CSMD1: variants seen among roughly 807,000 people sequenced by gnomAD.
CSMD1 encodes the protein CUB and sushi domain-containing protein 1.
A neutral mutation model predicts 417.5 loss-of-function variants in CSMD1; 213 were observed. The ratio of observed to expected loss-of-function variants is 0.51; its 90% confidence interval spans 0.46 to 0.57. The LOEUF is 0.57. Ranked by LOEUF, CSMD1 falls within the 20% of genes least tolerant of loss-of-function variation. The pLI, the probability that CSMD1 is intolerant of heterozygous loss-of-function variation, is 0.00. For missense variants in CSMD1, 6,923 were observed against 4,529.7 expected, an observed-to-expected ratio of 1.53 and a Z score of -15.17; for synonymous variants, 2,862 against 1,736.8, an observed-to-expected ratio of 1.65 and a Z score of -16.11.
intron 3 of CSMD1, among the ~76,000 whole-genome samples, chr8:4,312,540 A>C (rs1361141822): frequency 6.6e-6 from 1 of 151,154 alleles, no homozygotes; most frequent in Non-Finnish European, 1.5e-5. Flanking sequence ...GAATGATGAA[A>C]TTGAAAGGGC....
At chr8:4,260,758 C>G (rs368591036) in intron 3 of CSMD1, among the ~76,000 whole-genome samples, 5 of 152,106 alleles carry the variant, frequency 3.3e-5, no homozygotes, top group South Asian at 2.1e-4. Context: ...ACAATTTAGG[C>G]TAAGTTATAT....
At position 3,156,428 on chromosome 8, in the gene CSMD1, G is replaced by C. The variant is rs114735851; in HGVS notation, c.5914+1469C>G. Among the ~76,000 whole-genome samples, 801 of 152,248 alleles carry C rather than the reference G, an allele frequency of 5.3e-3. 6 individuals carry two copies. The highest frequency in any genetic ancestry group is 0.019 in the African/African-American group (771 of 41,526). On this transcript the variant is annotated intron_variant, in intron 39 of 69. Coordinates refer to ENST00000635120, the MANE Select transcript of CSMD1 (RefSeq NM_033225.6). ...TGCTGAAGATACAGAGGTGAGTATT[G>C]CAAGTCTCTGTCACCAAAGCCTTTG...
chr8:4,220,965 G>A lies in CSMD1; in HGVS notation c.416-188866C>T, dbSNP rs73184172. ...ACACCACACGGTTGAGTGCGCAGGC[G>A]CCCAGAGGAGCCCTTGGGGTGCTCT... On this transcript the variant is annotated intron_variant, in intron 3 of 69. Coordinates refer to ENST00000635120, the MANE Select transcript of CSMD1 (RefSeq NM_033225.6). 3.6e-3 allele frequency among the ~76,000 whole-genome samples: 548 copies of A among 152,236 alleles called. 2 individuals are homozygous for A. The highest frequency in any genetic ancestry group is 0.034 in the Middle Eastern group (10 of 294).
intron 7 of CSMD1, 142 bp from the exon 8 acceptor site, chr8:3,616,939 A>G (rs775689044): frequency 2.3e-5 from 12 of 514,328 alleles, no homozygotes; most frequent in Non-Finnish European, 3.8e-5. Context: ...CACCTTAAAT[A>G]CATTCAAATA....
At chr8:4,189,515 T>C (rs970441093) in intron 3 of CSMD1, among the ~76,000 whole-genome samples, 1 of 152,176 alleles carries the variant, frequency 6.6e-6, no homozygotes, top group African/African-American at 2.4e-5. Context: ...TATAAACATA[T>C]ATTAAAGATC....
intron 2 of CSMD1, among the ~76,000 whole-genome samples, chr8:4,461,006 A>T (rs1799781017): frequency 6.6e-6 from 1 of 152,196 alleles, no homozygotes; most frequent in Non-Finnish European, 1.5e-5. Flanking sequence ...GAACACAAAA[A>T]TGCTCAAAAC....
At chr8:4,343,246 G>C (rs1450816593) in intron 3 of CSMD1, among the ~76,000 whole-genome samples, 1 of 152,114 alleles carries the variant, frequency 6.6e-6, no homozygotes, top group Non-Finnish European at 1.5e-5. Context: ...ACACAGACAG[G>C]AGGATGGAGG....
intron 39 of CSMD1, among the ~76,000 whole-genome samples, chr8:3,152,691 G>C (rs141809493): frequency 6.6e-6 from 1 of 152,340 alleles, no homozygotes; most frequent in East Asian, 1.9e-4. Flanking sequence ...TTTGTGGTGT[G>C]AGTCATAATT....
At position 4,072,245 on chromosome 8, in the gene CSMD1, A is replaced by T. The variant is rs149580977; in HGVS notation, c.416-40146T>A. On this transcript the variant is annotated intron_variant, in intron 3 of 69. Coordinates refer to ENST00000635120, the MANE Select transcript of CSMD1 (RefSeq NM_033225.6). The stretch of plus-strand genomic sequence containing the variant: ...CACAGTTGCAAGTGAAGAAGGGTTG[A>T]ATCCCATAGGAGTTTATTTGGCCAT... Among the ~76,000 whole-genome samples the T allele has an allele frequency of 2.1e-3, 321 of 152,314 alleles. 1 individual carries two copies. The highest frequency in any genetic ancestry group is 7.3e-3 in the African/African-American group (305 of 41,572).
At chr8:4,019,133 G>GT (rs1369507586) in intron 4 of CSMD1, among the ~76,000 whole-genome samples, 1 of 152,098 alleles carries the variant, frequency 6.6e-6, no homozygotes. Context: ...CCATGGTATC[G>GT]TAAGACTTAA....
intron 1 of CSMD1, among the ~76,000 whole-genome samples, chr8:4,743,548 C>A (rs573238832): frequency 2.0e-5 from 3 of 152,280 alleles, no homozygotes; most frequent in African/African-American, 7.2e-5. Flanking sequence ...CCAGAGTCAA[C>A]CGTCATTAAC....
intron 4 of CSMD1, among the ~76,000 whole-genome samples, chr8:4,018,070 CA>C (rs1796609332): frequency 6.6e-6 from 1 of 150,580 alleles, no homozygotes; most frequent in Non-Finnish European, 1.5e-5. Flanking sequence ...TGTATGCTTG[CA>C]AAAATAAGCT....
At chr8:2,947,858 T>A (rs908729915) in intron 68 of CSMD1, among the ~76,000 whole-genome samples, 3 of 152,102 alleles carry the variant, frequency 2.0e-5, no homozygotes, top group African/African-American at 7.2e-5. Flanking sequence ...CTGCCAACAT[T>A]ATAATGTTCT....
intron 7 of CSMD1, among the ~76,000 whole-genome samples, chr8:3,686,939 G>T (rs1585075957): frequency 6.6e-6 from 1 of 152,130 alleles, no homozygotes; most frequent in Non-Finnish European, 1.5e-5. Context: ...CCCCTACACT[G>T]GGGGGTGTCT....
chr8:3,338,737 T>C (rs1022004030), intron 23 of CSMD1, among the ~76,000 whole-genome samples: 6 of 152,026 alleles, frequency 3.9e-5, no homozygotes, highest in African/African-American at 1.2e-4. Flanking sequence ...CTTTTTAAAA[T>C]AATTGGTACA....
intron 1 of CSMD1, among the ~76,000 whole-genome samples, chr8:4,902,191 C>T (rs1269116792): frequency 6.6e-6 from 1 of 151,984 alleles, no homozygotes; most frequent in South Asian, 2.1e-4. Flanking sequence ...GGAAGGATCA[C>T]TTGAAGCCAA....
At chr8:3,243,285 A>T (rs1245623849) in intron 26 of CSMD1, among the ~76,000 whole-genome samples, 2 of 152,146 alleles carry the variant, frequency 1.3e-5, no homozygotes, top group Non-Finnish European at 2.9e-5. Context: ...TGATCTCCCA[A>T]GGGAGGTCCC....
intron 1 of CSMD1, among the ~76,000 whole-genome samples, chr8:4,835,179 G>A (rs10087873): frequency 6.6e-6 from 1 of 151,576 alleles, no homozygotes; most frequent in African/African-American, 2.4e-5. Context: ...GAAATGAAGC[G>A]AAGGACAATC....
chr8:4,347,766 T>C (rs1258591057), intron 3 of CSMD1, among the ~76,000 whole-genome samples: 7 of 152,294 alleles, frequency 4.6e-5, no homozygotes, highest in South Asian at 2.1e-4. Flanking sequence ...CCAAGTTGTA[T>C]TGGATAAAGT....
Sources: gnomAD v4.1 joint callset for allele counts (sites outside exome capture counted in the v4.1 genomes callset) on GRCh38, gnomAD v4.1.1 for gene constraint, MANE v1.5 for transcripts, NCBI Gene and HGNC (gene_info 2026-07-23, HGNC 2026-07-21) for gene names.